The following AKIRIN1 variants were observed in gnomAD, a reference collection of about 807,000 sequenced individuals.
AKIRIN1 encodes akirin 1, also known as akirin-1.
In AKIRIN1, 4 loss-of-function variants were observed where a neutral mutation model predicts 25.9. That is an observed-to-expected ratio of 0.15 (90% CI 0.08 to 0.35). The LOEUF is 0.35. Ranked by LOEUF, AKIRIN1 falls within the 10% of genes least tolerant of loss-of-function variation. The probability of loss-of-function intolerance (pLI) is 1.00; values close to 1 mark genes in which losing one functional copy is unlikely to be tolerated. For synonymous variants in AKIRIN1, 125 were observed against 105.1 expected (o/e 1.19, Z -1.16); for missense variants, 243 against 266.1 (o/e 0.91, Z 0.61).
intron 3 of AKIRIN1, among the ~76,000 whole-genome samples, chr1:39,001,946 A>G (rs1643995830): frequency 6.6e-6 from 1 of 152,214 alleles, no homozygotes; most frequent in African/African-American, 2.4e-5. Flanking sequence ...GAGGAACAGT[A>G]GAGTAAAAGC....
intron 1 of AKIRIN1, 59 bp downstream of exon 1, chr1:38,991,659 GTGGTGGGGGAGGGTT>G: frequency 2.1e-6 from 2 of 972,448 alleles, no homozygotes; most frequent in Non-Finnish European, 2.7e-6. Context: ...TTTGGGGGGG[GTGGTGGGGGAGGGTT>G]GGGAATACCA....
In AKIRIN1 at chr1:38,998,274, A is replaced by G. The variant is rs769483443; in HGVS notation, c.324A>G (p.Gln108=). The G allele has an allele frequency of 3.2e-5, 52 of 1,613,708 alleles. No homozygotes were observed. The highest frequency in any genetic ancestry group is 6.7e-5 in the African/African-American group (5 of 74,898). The stretch of plus-strand genomic sequence containing the variant: ...GTGAAGCTTGTGCTTCGGAAAGTCA[A>G]CCTCACTCCTCAGCACTCACAGCAC... The part of the protein sequence containing the change: ...NQSEACASES[Q]PHSSALTAPS... The change falls in exon 2 of 5, where the codon CAA becomes CAG. Residue 108 remains glutamine (Q), a synonymous_variant. Transcript: ENST00000432648.
intron 2 of AKIRIN1, among the ~76,000 whole-genome samples, chr1:38,999,525 T>A (rs1643972666): frequency 6.6e-6 from 1 of 152,254 alleles, no homozygotes; most frequent in Non-Finnish European, 1.5e-5. Context: ...TTCCTGGCTC[T>A]GGAACTGCAC....
In AKIRIN1 at chr1:39,005,766, C is replaced by G. The variant is rs1644029678; in HGVS notation, c.*1711C>G. 1 of 152,080 alleles carries G rather than the reference C, an allele frequency of 6.6e-6. No homozygotes were observed. The highest frequency in any genetic ancestry group is 6.5e-5 in the Admixed American group (1 of 15,270). 9.4% of individuals were successfully genotyped at this position (152,080 alleles called of 1,614,324 possible). On this transcript the variant is annotated 3_prime_UTR_variant, in exon 5 of 5. Transcript: ENST00000432648. ...TCTGGAATATTCACATTCGAAGATT[C>G]CTTATTAATGAATGTCTTTGACTTA...
In AKIRIN1 at chr1:38,992,458, GTTTC is replaced by G. The variant is rs145533651; in HGVS notation, c.220+862_220+865del. On this transcript the variant is annotated intron_variant, in intron 1 of 4. Transcript: ENST00000432648. ...TCTCAATAATGGATTTGGGCAAGTC[GTTTC>G]TTTGTGTGTTTTTCTATTCCTCAAG... Among the ~76,000 whole-genome samples the G allele has an allele frequency of 2.2e-3, 335 of 152,252 alleles. 3 individuals carry two copies. The highest frequency in any genetic ancestry group is 7.9e-3 in the African/African-American group (329 of 41,552).
Position 38,991,488 on chromosome 1 carries a change from G to C in AKIRIN1, c.108G>C (p.Pro36=). 8 of 1,444,876 alleles carry C rather than the reference G, an allele frequency of 5.5e-6. No homozygotes were observed. The highest frequency in any genetic ancestry group is 4.5e-6 in the Non-Finnish European group (5 of 1,103,596). The allele number at this position is 1,444,876 out of a possible 1,614,324, so 89.5% of individuals were successfully genotyped here. A position where few individuals can be genotyped will look rare whatever the true frequency, so the allele number is the denominator to read the frequency against. ...GCGCCCCTCTGCCCGGCCCCACTCCGGGCCTCAGGCCCCCGGACGCCGAGC... is the reference window on the plus strand; with the variant it reads ...GCGCCCCTCTGCCCGGCCCCACTCCCGGCCTCAGGCCCCCGGACGCCGAGC... The part of the protein sequence containing the change: ...RRCAPLPGPT[P]GLRPPDAEPP... The change falls in exon 1 of 5, where the codon CCG becomes CCC. Residue 36 remains proline (P), a synonymous_variant. Transcript: ENST00000432648.
intron 4 of AKIRIN1, 64 bp downstream of exon 4, chr1:39,003,482 C>A: frequency 6.8e-7 from 1 of 1,478,510 alleles, no homozygotes; most frequent in Non-Finnish European, 9.4e-7. Context: ...TACACTGAAA[C>A]TTCTCTCCTC....
chr1:38,991,568 C>T lies in AKIRIN1; in HGVS notation c.188C>T (p.Pro63Leu). ...TPPQSLQQPA[P>L]PGSERRLPTP... is the part of the protein sequence containing the mutation. ...CCGCAGAGTCTGCAGCAGCCCGCCC[C>T]GCCCGGCAGCGAGCGGCGCCTTCCA... The change falls in exon 1 of 5, where the codon CCG becomes CTG. Residue 63 changes from proline (P) to leucine (L), a missense_variant. Transcript: ENST00000432648. 7.3e-7 allele frequency: 1 copy of T among 1,362,300 alleles called. No individual in the cohort carries two copies. Among genetic ancestry groups the T allele is most frequent in the Non-Finnish European group, 9.4e-7 (1 of 1,059,712 alleles). The allele number at this position is 1,362,300 out of a possible 1,614,324, so 84.4% of individuals were successfully genotyped here.
At chr1:38,998,400 A>G in intron 2 of AKIRIN1, 89 bp downstream of exon 2, 1 of 1,365,652 alleles carries the variant, frequency 7.3e-7, no homozygotes. Flanking sequence ...CCTCTAATGT[A>G]ATAGAATTGC....
rs371972577 is a variant in AKIRIN1, at chr1:39,004,074, G to T, written c.*19G>T. ...GTCATGAAGCTTTGTCACATATCTG[G>T]GTACCAGGTTTGACCTCAAGAGATG... On this transcript the variant is annotated 3_prime_UTR_variant, in exon 5 of 5. Coordinates refer to ENST00000432648, the MANE Select transcript of AKIRIN1 (RefSeq NM_024595.3). The T allele has an allele frequency of 3.1e-6, 5 of 1,610,550 alleles. No individual in the cohort carries two copies. In the African/African-American group the frequency reaches 6.7e-5, roughly 22 times the overall value.
chr1:38,991,741 C>T, intron 1 of AKIRIN1, 141 bp downstream of exon 1: 1 of 1,009,254 alleles, frequency 9.9e-7, no homozygotes, highest in East Asian at 3.3e-5. Context: ...TGGGATGCCG[C>T]TGGGCCTGGT....
At chr1:39,001,606 G>A (rs1643992522) in intron 3 of AKIRIN1, among the ~76,000 whole-genome samples, 1 of 152,090 alleles carries the variant, frequency 6.6e-6, no homozygotes, top group Non-Finnish European at 1.5e-5. Flanking sequence ...TTTGCTGTGA[G>A]CCCAGCTCTA....
chr1:38,991,518 G>A lies in AKIRIN1; in HGVS notation c.138G>A (p.Pro46=). 1.4e-6 allele frequency: 2 copies of A among 1,454,806 alleles called. No homozygotes were observed. Among genetic ancestry groups the A allele is most frequent in the Admixed American group, 2.5e-5 (1 of 40,700 alleles). 90.1% of individuals were successfully genotyped at this position (1,454,806 alleles called of 1,614,324 possible). A position where few individuals can be genotyped will look rare whatever the true frequency, so the allele number is the denominator to read the frequency against. ...PGLRPPDAEP[P]PPFQTQTPPQ... ...TCAGGCCCCCGGACGCCGAGCCGCC[G>A]CCGCCGTTTCAGACGCAGACCCCAC... The change falls in exon 1 of 5, where the codon CCG becomes CCA. Residue 46 remains proline (P), a synonymous_variant. Transcript: ENST00000432648.
chr1:38,991,497 GC>G lies in AKIRIN1; in HGVS notation c.122del (p.Pro41ArgfsTer40), dbSNP rs1237507453. The G allele has an allele frequency of 2.1e-6, 3 of 1,449,286 alleles. No individual in the cohort carries two copies. Among genetic ancestry groups the G allele is most frequent in the Admixed American group, 2.5e-5 (1 of 40,160 alleles). The allele number at this position is 1,449,286 out of a possible 1,614,324, so 89.8% of individuals were successfully genotyped here. A position where few individuals can be genotyped will look rare whatever the true frequency, so the allele number is the denominator to read the frequency against. On this transcript the variant is annotated frameshift_variant, in exon 1 of 5. Coordinates refer to ENST00000432648, the MANE Select transcript of AKIRIN1 (RefSeq NM_024595.3). LOFTEE classifies it high-confidence loss of function. ...PLPGPTPGLR[P>X]PDAEPPPPFQ... The stretch of plus-strand genomic sequence containing the variant: ...TGCCCGGCCCCACTCCGGGCCTCAG[GC>G]CCCCGGACGCCGAGCCGCCGCCGCC...
chr1:38,997,843 C>T, intron 1 of AKIRIN1, among the ~76,000 whole-genome samples: 1 of 152,144 alleles, frequency 6.6e-6, no homozygotes, highest in Middle Eastern at 3.2e-3. Flanking sequence ...TACTAGTTAA[C>T]CATCCAGCTA....
chr1:38,993,815 AAT>A (rs1447981654), intron 1 of AKIRIN1, among the ~76,000 whole-genome samples: 1 of 152,064 alleles, frequency 6.6e-6, no homozygotes, highest in Non-Finnish European at 1.5e-5. Context: ...TCACTCCTAT[AAT>A]CCCAGCACTT....
chr1:38,995,868 A>C (rs1164464799), intron 1 of AKIRIN1, among the ~76,000 whole-genome samples: 1 of 152,148 alleles, frequency 6.6e-6, no homozygotes, highest in Non-Finnish European at 1.5e-5. Context: ...CTCTGTCTCT[A>C]CTAAAAATAC....
At chr1:39,003,050 G>A (rs925809493) in intron 3 of AKIRIN1, among the ~76,000 whole-genome samples, 1 of 152,186 alleles carries the variant, frequency 6.6e-6, no homozygotes, top group Non-Finnish European at 1.5e-5. Flanking sequence ...TCCTGGCTAT[G>A]GTAGTGAGCT....
intron 3 of AKIRIN1, among the ~76,000 whole-genome samples, chr1:39,002,788 T>G (rs1644004277): frequency 6.6e-6 from 1 of 152,148 alleles, no homozygotes; most frequent in Non-Finnish European, 1.5e-5. Flanking sequence ...ACCATAATAC[T>G]GTTTCAGTCA....
Sources: allele counts gnomAD v4.1 joint callset (sites outside exome capture counted in the v4.1 genomes callset), GRCh38; gene constraint gnomAD v4.1.1; transcripts MANE v1.5; gene names NCBI Gene and HGNC (gene_info 2026-07-23, HGNC 2026-07-21).